AKAP6: variants seen among roughly 807,000 people sequenced by gnomAD.
AKAP6 encodes A-kinase anchor protein 6.
A neutral mutation model predicts 188.5 loss-of-function variants in AKAP6; 58 were observed. That is an observed-to-expected ratio of 0.31 (90% CI 0.25 to 0.38). The LOEUF (loss-of-function observed/expected upper bound fraction) is 0.38. AKAP6 is among the 10% of genes least tolerant of loss of function. The pLI, the probability that AKAP6 is intolerant of heterozygous loss-of-function variation, is 1.00. For missense variants in AKAP6, 2,710 were observed against 2,740.0 expected (o/e 0.99, Z 0.24); for synonymous variants, 989 against 998.6 (o/e 0.99, Z 0.18).
intron 1 of AKAP6, among the ~76,000 whole-genome samples, chr14:32,391,440 T>A (rs1046557578): frequency 1.3e-5 from 2 of 152,208 alleles, no homozygotes; most frequent in African/African-American, 4.8e-5. Flanking sequence ...GTTATCTCTG[T>A]TCCTACATGT....
chr14:32,394,754 T>C (rs968807141), intron 1 of AKAP6, among the ~76,000 whole-genome samples: 5 of 152,136 alleles, frequency 3.3e-5, no homozygotes, highest in African/African-American at 1.2e-4. Context: ...ACATGTAGTT[T>C]TACCGTGATT....
At chr14:32,363,732 C>T (rs915809088) in intron 1 of AKAP6, among the ~76,000 whole-genome samples, 1 of 152,224 alleles carries the variant, frequency 6.6e-6, no homozygotes, top group Admixed American at 6.5e-5. Context: ...GGGTCTGCCT[C>T]TCCTAGTCCA....
chr14:32,732,105 G>A (rs905374235), intron 9 of AKAP6, among the ~76,000 whole-genome samples: 1 of 151,650 alleles, frequency 6.6e-6, no homozygotes, highest in Non-Finnish European at 1.5e-5. Context: ...GATGAGAGGT[G>A]GACAGCACTC....
intron 2 of AKAP6, among the ~76,000 whole-genome samples, chr14:32,516,617 G>A (rs1225853999): frequency 6.6e-6 from 1 of 152,144 alleles, no homozygotes; most frequent in Non-Finnish European, 1.5e-5. Context: ...CGAAAAGTAA[G>A]TATGAGATCT....
chr14:32,369,987 C>T (rs1224204350), intron 1 of AKAP6, among the ~76,000 whole-genome samples: 3 of 152,122 alleles, frequency 2.0e-5, no homozygotes, highest in African/African-American at 7.2e-5. Context: ...GCTGAGACCG[C>T]GCCATTGCAC....
chr14:32,428,353 A>G (rs2138689001), intron 1 of AKAP6, among the ~76,000 whole-genome samples: 1 of 152,252 alleles, frequency 6.6e-6, no homozygotes, highest in East Asian at 1.9e-4. Context: ...TTAGCTTCCA[A>G]ATAGGGACTG....
At chr14:32,438,180 T>A (rs2138724037) in intron 2 of AKAP6, among the ~76,000 whole-genome samples, 2 of 152,274 alleles carry the variant, frequency 1.3e-5, no homozygotes, top group South Asian at 4.1e-4. Context: ...GCCCAATATG[T>A]TTGGGGCATT....
At position 32,836,086 on chromosome 14, in the gene AKAP6, T is replaced by C. The variant is rs2034872259; in HGVS notation, c.*6281T>C. 6.6e-6 allele frequency: 1 copy of C among 152,250 alleles called. No individual in the cohort carries two copies. The highest frequency in any genetic ancestry group is 6.5e-5 in the Admixed American group (1 of 15,292). The allele number at this position is 152,250 out of a possible 1,614,324, so 9.4% of individuals were successfully genotyped here. ...TGTCCTTGCATTTTGAAGTAAATCA[T>C]TGCCTGCATAAAGCAACTCTTTTGT... On this transcript the variant is annotated 3_prime_UTR_variant, in exon 14 of 14. Coordinates refer to ENST00000280979, the MANE Select transcript of AKAP6 (RefSeq NM_004274.5).
At chr14:32,714,029 G>A (rs2030042393) in intron 9 of AKAP6, among the ~76,000 whole-genome samples, 1 of 151,952 alleles carries the variant, frequency 6.6e-6, no homozygotes, top group Non-Finnish European at 1.5e-5. Context: ...TGAGTACTTA[G>A]AGGCCATTGT....
At chr14:32,770,299 G>A (rs1247238353) in intron 11 of AKAP6, among the ~76,000 whole-genome samples, 1 of 152,118 alleles carries the variant, frequency 6.6e-6, no homozygotes, top group Non-Finnish European at 1.5e-5. Context: ...CTTGCAAGAC[G>A]AAATTGCCTA....
intron 2 of AKAP6, among the ~76,000 whole-genome samples, chr14:32,454,761 C>T (rs199776551): frequency 0.3 from 1,543 of 5,164 alleles, 275 homozygotes; most frequent in African/African-American, 0.57. Context: ...CCCTCCCTCC[C>T]TCCCTCCTTC....
chr14:32,388,677 G>A (rs1487245222), intron 1 of AKAP6, among the ~76,000 whole-genome samples: 3 of 152,032 alleles, frequency 2.0e-5, no homozygotes, highest in Non-Finnish European at 4.4e-5. Context: ...TCCTTTTGGA[G>A]TTGATTTCCA....
chr14:32,777,543 G>T (rs1281926553), intron 12 of AKAP6, among the ~76,000 whole-genome samples: 1 of 152,072 alleles, frequency 6.6e-6, no homozygotes, highest in Non-Finnish European at 1.5e-5. Flanking sequence ...TTACTGAGAT[G>T]AAAAATACAC....
At position 32,568,648 on chromosome 14, in the gene AKAP6, G is replaced by A. The variant is rs539787393; in HGVS notation, c.2347-8472G>A. Among the ~76,000 whole-genome samples the A allele has an allele frequency of 5.3e-5, 8 of 152,196 alleles. No individual in the cohort carries two copies. In the East Asian group the frequency reaches 5.8e-4, roughly 11 times the overall value. The stretch of plus-strand genomic sequence containing the variant: ...CCTAGAGCAAGTCTGCCAAGCTTTG[G>A]GGCAGTCATACTACCTGAATGAGGG... On this transcript the variant is annotated intron_variant, in intron 4 of 13. Transcript: ENST00000280979. The surrounding 1 kb of genome is among the most constrained non-coding windows in gnomAD (Gnocchi z 6.2).
At position 32,822,980 on chromosome 14, in the gene AKAP6, A is replaced by T. The variant is rs2034572104; in HGVS notation, c.5167A>T (p.Thr1723Ser). ...ESNASFRKRL[T>S]RSVADESDVN... ...GAATGCATCGTTCAGGAAGCGTCTGACTCGTTCAGTGGCTGATGAAAGCGA... is the reference window on the plus strand; with the variant it reads ...GAATGCATCGTTCAGGAAGCGTCTGTCTCGTTCAGTGGCTGATGAAAGCGA... The change falls in exon 13 of 14, where the codon ACT becomes TCT. Residue 1723 changes from threonine to serine, a missense_variant. By Grantham distance (58) the Thr-to-Ser change is moderately conservative (BLOSUM62 1). Transcript: ENST00000280979. 4.3e-6 allele frequency: 7 copies of T among 1,613,548 alleles called. No individual in the cohort carries two copies. Among genetic ancestry groups the T allele is most frequent in the Non-Finnish European group, 5.9e-6 (7 of 1,179,874 alleles).
chr14:32,582,178 A>C (rs1375925705), intron 5 of AKAP6, among the ~76,000 whole-genome samples: 28 of 152,112 alleles, frequency 1.8e-4, no homozygotes, highest in Admixed American at 1.6e-3. Flanking sequence ...GAGCTCTTTT[A>C]GGGCAGGCCT....
chr14:32,769,037 A>T (rs370420391), intron 11 of AKAP6, among the ~76,000 whole-genome samples: 198 of 56,884 alleles, frequency 3.5e-3, no homozygotes, highest in South Asian at 6.9e-3. Context: ...TGCTCTTTTG[A>T]TTTTTTTTTT....
Position 32,546,430 on chromosome 14 carries a change from T to A in AKAP6, c.1777T>A (p.Ser593Thr), listed in dbSNP as rs187178159. The A allele has an allele frequency of 1.2e-5, 19 of 1,614,178 alleles. No individual in the cohort carries two copies. In the East Asian group the frequency reaches 4.0e-4, roughly 34 times the overall value. The change falls in exon 4 of 14, where the codon TCT becomes ACT. Residue 593 changes from serine to threonine, a missense_variant. Around this residue, in one of 2 missense-constraint regions of AKAP6, gnomAD observed 2,473 missense variants for 2,426.1 expected, o/e 1.02. Transcript: ENST00000280979. ...CTCTGTTGGCTCAGACAACATCATG[T>A]CTCCGGTGCCACTTCTTTCAAAACA... is the stretch of plus-strand genomic sequence containing the variant. ...ESSVGSDNIM[S>T]PVPLLSKHKS...
intron 11 of AKAP6, 27 bp from the exon 12 acceptor site, chr14:32,773,651 A>G (rs779733209): frequency 2.5e-6 from 4 of 1,605,954 alleles, no homozygotes; most frequent in Non-Finnish European, 3.4e-6. Context: ...ATAAACACTC[A>G]TAGATTGGTT....
Sources: allele counts gnomAD v4.1 joint callset (sites outside exome capture counted in the v4.1 genomes callset), GRCh38; gene constraint gnomAD v4.1.1; regional missense constraint gnomAD v4.1.1; non-coding constraint Gnocchi (gnomAD v3.1); transcripts MANE v1.5; gene names NCBI Gene and HGNC (gene_info 2026-07-23, HGNC 2026-07-21).